Variants in AK5 observed in about 807,000 individuals in gnomAD.
AK5 encodes the protein adenylate kinase isoenzyme 5.
In AK5, 27 loss-of-function variants were observed where a neutral mutation model predicts 69.5. The ratio of observed to expected loss-of-function variants is 0.39; its 90% CI spans 0.29 to 0.54. AK5 has a LOEUF of 0.54. Ranked by LOEUF, AK5 falls within the 20% of genes least tolerant of loss-of-function variation. The pLI is 0.71. For missense variants in AK5, 531 were observed against 700.4 expected (o/e 0.76, Z 2.73); for synonymous variants, 260 against 244.4 (o/e 1.06, Z -0.60).
At chr1:77,554,617 T>C (rs1243390967) in intron 13 of AK5, among the ~76,000 whole-genome samples, 1 of 152,122 alleles carries the variant, frequency 6.6e-6, no homozygotes, top group Admixed American at 6.5e-5. Context: ...TGTTTTTGTT[T>C]TTGTTTGAGA....
At chr1:77,493,849 A>G (rs1247958180) in intron 10 of AK5, among the ~76,000 whole-genome samples, 2 of 152,232 alleles carry the variant, frequency 1.3e-5, no homozygotes, top group African/African-American at 2.4e-5. Flanking sequence ...ATGTTGGAGA[A>G]ATGTGGGCAT....
chr1:77,549,960 ATTTT>A (rs761532441), intron 13 of AK5, among the ~76,000 whole-genome samples: 8 of 148,562 alleles, frequency 5.4e-5, no homozygotes, highest in Non-Finnish European at 7.4e-5. Context: ...TTATTTATTT[ATTTT>A]TTTTTTTTAA....
chr1:77,307,735 C>T (rs935191027), intron 5 of AK5, among the ~76,000 whole-genome samples: 5 of 152,152 alleles, frequency 3.3e-5, no homozygotes, highest in African/African-American at 1.2e-4. Context: ...TCTGTGTTCT[C>T]CCTCCCCTGG....
At chr1:77,402,865 C>T (rs1407711682) in intron 6 of AK5, among the ~76,000 whole-genome samples, 20 of 152,290 alleles carry the variant, frequency 1.3e-4, no homozygotes, top group Admixed American at 7.2e-4. Context: ...CCTGAGGAAT[C>T]GCCACACTGT....
In AK5 at chr1:77,444,321, T is replaced by A. The variant is rs1557598307; in HGVS notation, c.1059+26606T>A. Among the ~76,000 whole-genome samples, 40 of 71,572 alleles carry A rather than the reference T, an allele frequency of 5.6e-4. 6 individuals carry two copies. The highest frequency in any genetic ancestry group is 1.7e-3 in the African/African-American group (30 of 17,480). The allele number at this position is 71,572 out of a possible 152,430, so 47.0% of individuals were successfully genotyped here. On this transcript the variant is annotated intron_variant, in intron 8 of 13. Coordinates refer to ENST00000354567, the MANE Select transcript of AK5 (RefSeq NM_174858.3). Reference sequence around the variant, plus strand: ...ATATAGTATATATACACAATATATGTGTATATATATAGTATATATACACAA... The same window carrying A: ...ATATAGTATATATACACAATATATGAGTATATATATAGTATATATACACAA...
intron 5 of AK5, among the ~76,000 whole-genome samples, chr1:77,300,127 G>A (rs1006306318): frequency 3.3e-5 from 5 of 152,148 alleles, no homozygotes; most frequent in Admixed American, 3.3e-4. Flanking sequence ...GCAGTAGGTG[G>A]GAGAGGGAGG....
chr1:77,354,207 TG>T (rs1345489330), intron 6 of AK5, among the ~76,000 whole-genome samples: 6 of 151,922 alleles, frequency 3.9e-5, no homozygotes, highest in Non-Finnish European at 8.8e-5. Context: ...TCTAATTTCT[TG>T]TTGCTCTCTC....
chr1:77,416,184 G>T (rs1047952010), intron 7 of AK5, among the ~76,000 whole-genome samples: 3 of 151,782 alleles, frequency 2.0e-5, no homozygotes, highest in Admixed American at 6.6e-5. Context: ...AATACCAAAA[G>T]TACAAAGGTA....
intron 13 of AK5, among the ~76,000 whole-genome samples, 190 bp from the exon 14 acceptor site, chr1:77,558,412 C>G (rs1660235872): frequency 6.8e-6 from 1 of 146,412 alleles, no homozygotes; most frequent in African/African-American, 2.5e-5. Flanking sequence ...TGTAGTGGTA[C>G]TTCATTGTTT....
chr1:77,493,811 A>G (rs561146312), intron 10 of AK5, among the ~76,000 whole-genome samples: 1 of 152,240 alleles, frequency 6.6e-6, no homozygotes, highest in Non-Finnish European at 1.5e-5. Context: ...CCTCAAATGC[A>G]TTTACCAACT....
chr1:77,535,850 G>A lies in AK5; in HGVS notation c.1432G>A (p.Gly478Arg), dbSNP rs779942053. The A allele has an allele frequency of 1.2e-6, 2 of 1,611,386 alleles. No homozygotes were observed. Among genetic ancestry groups the A allele is most frequent in the Admixed American group, 1.7e-5 (1 of 59,286 alleles). The change falls in exon 13 of 14, where the codon GGA (glycine) becomes AGA (arginine). Residue 478 changes from glycine (G) to arginine (R), a missense_variant. Physicochemically the swap from Gly to Arg is moderately radical, Grantham distance 125 (BLOSUM62 -2). Transcript: ENST00000354567. ...KQGEEFGRRI[G>R]DPQLVICMDC... ...TGTGCTCCACTCCCATCTCCAGATTGGAGACCCACAGTTGGTGATCTGTAT... is the reference window on the plus strand; with the variant it reads ...TGTGCTCCACTCCCATCTCCAGATTAGAGACCCACAGTTGGTGATCTGTAT...
At chr1:77,312,509 A>AGAGGCTGAGG (rs1660016255) in intron 5 of AK5, among the ~76,000 whole-genome samples, 1 of 151,314 alleles carries the variant, frequency 6.6e-6, no homozygotes, top group Non-Finnish European at 1.5e-5. Flanking sequence ...CAACTACTTG[A>AGAGGCTGAGG]GAGGCTGAGG....
intron 2 of AK5, among the ~76,000 whole-genome samples, chr1:77,293,219 G>C (rs1658789197): frequency 6.6e-6 from 1 of 152,102 alleles, no homozygotes; most frequent in Admixed American, 6.5e-5. Flanking sequence ...ATGCCACCAA[G>C]CCATTCCATT....
chr1:77,284,158 A>G (rs1658219075), intron 1 of AK5, among the ~76,000 whole-genome samples: 1 of 152,204 alleles, frequency 6.6e-6, no homozygotes, highest in Non-Finnish European at 1.5e-5. Context: ...CTTGTGGACA[A>G]TGAGAAGATG....
chr1:77,336,888 A>G (rs1661391009), intron 5 of AK5, among the ~76,000 whole-genome samples: 1 of 152,122 alleles, frequency 6.6e-6, no homozygotes, highest in South Asian at 2.1e-4. Flanking sequence ...TAAATATGTC[A>G]TGCTACTCTC....
intron 8 of AK5, among the ~76,000 whole-genome samples, chr1:77,435,935 C>A (rs1651931688): frequency 1.3e-5 from 2 of 152,036 alleles, no homozygotes; most frequent in Admixed American, 6.5e-5. Context: ...AAAATTCATC[C>A]CTCAAAAACC....
chr1:77,522,053 AG>A (rs1658020729), intron 12 of AK5, 110 bp downstream of exon 12: 1 of 845,182 alleles, frequency 1.2e-6, no homozygotes, highest in South Asian at 2.0e-5. Context: ...GAAAACTTTA[AG>A]GGGCAGAAAC....
intron 11 of AK5, 122 bp from the exon 12 acceptor site, chr1:77,521,705 T>G: frequency 1.5e-6 from 1 of 659,546 alleles, no homozygotes; most frequent in Non-Finnish European, 2.7e-6. Flanking sequence ...GGTCAATTGC[T>G]GTCTGCTGTT....
chr1:77,361,035 C>T (rs1171396834), intron 6 of AK5, among the ~76,000 whole-genome samples: 1 of 152,134 alleles, frequency 6.6e-6, no homozygotes, highest in African/African-American at 2.4e-5. Context: ...ACCACAAACT[C>T]TCCCTTCTAG....
Sources: gnomAD v4.1 joint callset for allele counts (sites outside exome capture counted in the v4.1 genomes callset) on GRCh38, gnomAD v4.1.1 for gene constraint, MANE v1.5 for transcripts, NCBI Gene and HGNC (gene_info 2026-07-23, HGNC 2026-07-21) for gene names.